Variants in MGLL observed in about 807,000 individuals in gnomAD.
MGLL encodes monoglyceride lipase.
In MGLL, 7 loss-of-function variants were observed where a neutral mutation model predicts 29.1. That is an observed-to-expected ratio of 0.24 (90% CI 0.14 to 0.45). The LOEUF is 0.45. MGLL is among the 20% of genes least tolerant of loss of function. The probability of loss-of-function intolerance (pLI) is 0.99; values close to 1 mark genes in which losing one functional copy is unlikely to be tolerated. For missense variants in MGLL, 356 were observed against 413.6 expected (o/e 0.86, Z 1.21); for synonymous variants, 148 against 168.3 (o/e 0.88, Z 0.93).
At chr3:127,758,492 G>T (rs889112021) in intron 3 of MGLL, among the ~76,000 whole-genome samples, 7 of 152,204 alleles carry the variant, frequency 4.6e-5, no homozygotes, top group African/African-American at 1.7e-4. Flanking sequence ...GAAGGAGCTT[G>T]CAAAAAGTCA....
chr3:127,731,780 G>A (rs1386810209), intron 3 of MGLL, among the ~76,000 whole-genome samples: 6 of 152,154 alleles, frequency 3.9e-5, no homozygotes, highest in Non-Finnish European at 7.3e-5. Flanking sequence ...AGGGCCCTGC[G>A]TGGCATGCTT....
chr3:127,768,455 C>G (rs2076894843), intron 3 of MGLL, among the ~76,000 whole-genome samples: 1 of 152,220 alleles, frequency 6.6e-6, no homozygotes, highest in Non-Finnish European at 1.5e-5. Context: ...ACTGCCACTT[C>G]CTGTGCCAGT....
At chr3:127,785,102 C>A (rs2077190582) in intron 2 of MGLL, among the ~76,000 whole-genome samples, 4 of 152,150 alleles carry the variant, frequency 2.6e-5, no homozygotes. Context: ...CTCCTGGAAG[C>A]CCGCCTGTGC....
chr3:127,732,426 C>T (rs1297436009), intron 3 of MGLL, among the ~76,000 whole-genome samples: 1 of 152,142 alleles, frequency 6.6e-6, no homozygotes, highest in Admixed American at 6.5e-5. Context: ...GGTGTGAACT[C>T]CAGACTCAGG....
At chr3:127,820,220 T>C (rs1334404211) in intron 2 of MGLL, among the ~76,000 whole-genome samples, 2 of 152,302 alleles carry the variant, frequency 1.3e-5, no homozygotes, top group East Asian at 3.9e-4. Flanking sequence ...GCAGCTCAGT[T>C]TAAATTAAGA....
intron 3 of MGLL, among the ~76,000 whole-genome samples, chr3:127,722,821 C>A (rs778079173): frequency 1.2e-4 from 18 of 152,218 alleles, no homozygotes; most frequent in Non-Finnish European, 1.2e-4. Flanking sequence ...GGTGTACCTA[C>A]TACAAAGGCT....
chr3:127,694,307 A>G (rs1271993921), intron 7 of MGLL, among the ~76,000 whole-genome samples: 5 of 123,814 alleles, frequency 4.0e-5, no homozygotes, highest in African/African-American at 8.7e-5. Flanking sequence ...ATATATATAT[A>G]TGTATGTGTG....
chr3:127,726,736 G>T (rs910677492), intron 3 of MGLL, among the ~76,000 whole-genome samples: 14 of 151,950 alleles, frequency 9.2e-5, no homozygotes, highest in Non-Finnish European at 2.1e-4. Context: ...GGCCTACAGG[G>T]GTTCTTTATA....
At chr3:127,701,215 CAAAA>C (rs60128956) in intron 6 of MGLL, among the ~76,000 whole-genome samples, 5 of 56,434 alleles carry the variant, frequency 8.9e-5, no homozygotes, top group East Asian at 1.2e-3. Context: ...ACCCTGCCTC[CAAAA>C]AAAAAAAAAA....
intron 3 of MGLL, among the ~76,000 whole-genome samples, chr3:127,727,704 TAAAAAAAA>T (rs1177079179): frequency 3.6e-4 from 29 of 80,716 alleles, no homozygotes; most frequent in African/African-American, 4.8e-4. Context: ...AGAGCAAGGC[TAAAAAAAA>T]AAAAAAAAAA....
chr3:127,730,946 C>G lies in MGLL; in HGVS notation c.263-8380G>C, dbSNP rs531819927. On this transcript the variant is annotated intron_variant, in intron 3 of 7. Transcript: ENST00000265052. ...GAGAGCAAAGATCATACTTTATTCA[C>G]CTGTGCATTCCCTAGGGTTCCTGGC... Among the ~76,000 whole-genome samples, 13 of 152,330 alleles carry G rather than the reference C, an allele frequency of 8.5e-5. No homozygotes were observed. In the East Asian group the frequency reaches 2.5e-3, roughly 29 times the overall value.
intron 3 of MGLL, among the ~76,000 whole-genome samples, chr3:127,772,845 C>G (rs968374210): frequency 6.6e-6 from 1 of 152,144 alleles, no homozygotes; most frequent in Non-Finnish European, 1.5e-5. Flanking sequence ...GGCTGCAGAG[C>G]TCTCTAGCCC....
At chr3:127,730,381 T>C (rs2076127232) in intron 3 of MGLL, among the ~76,000 whole-genome samples, 1 of 152,140 alleles carries the variant, frequency 6.6e-6, no homozygotes, top group African/African-American at 2.4e-5. Flanking sequence ...TTCTACTTGT[T>C]CCTCTGCCAC....
At chr3:127,756,326 G>A (rs1052275686) in intron 3 of MGLL, among the ~76,000 whole-genome samples, 1 of 152,124 alleles carries the variant, frequency 6.6e-6, no homozygotes, top group African/African-American at 2.4e-5. Context: ...GATAGTAAAG[G>A]TCTTACAGGG....
chr3:127,756,684 C>G (rs2076670719), intron 3 of MGLL, among the ~76,000 whole-genome samples: 3 of 152,222 alleles, frequency 2.0e-5, no homozygotes, highest in Admixed American at 1.3e-4. Flanking sequence ...TGGCCTATCT[C>G]CAGACTTCTT....
intron 7 of MGLL, among the ~76,000 whole-genome samples, chr3:127,694,661 G>A (rs371522530): frequency 1.8e-3 from 281 of 152,258 alleles, no homozygotes; most frequent in African/African-American, 6.3e-3. Context: ...GCTTGGACAT[G>A]TCTCTCTCTC....
chr3:127,786,542 A>G (rs2077216142), intron 2 of MGLL, among the ~76,000 whole-genome samples: 3 of 152,250 alleles, frequency 2.0e-5, no homozygotes, highest in Admixed American at 6.5e-5. Flanking sequence ...CCTGGCATCC[A>G]GCCCCAGGAG....
At chr3:127,724,603 G>T (rs1252783076) in intron 3 of MGLL, among the ~76,000 whole-genome samples, 1 of 152,192 alleles carries the variant, frequency 6.6e-6, no homozygotes, top group African/African-American at 2.4e-5. Flanking sequence ...TGGGTCAGAT[G>T]GTGATTCTGT....
At chr3:127,741,970 G>C (rs971474301) in intron 3 of MGLL, among the ~76,000 whole-genome samples, 1 of 152,192 alleles carries the variant, frequency 6.6e-6, no homozygotes, top group Non-Finnish European at 1.5e-5. Flanking sequence ...TTATTGTGGA[G>C]CATTGAGAGT....
Sources: gnomAD v4.1 joint callset for allele counts (sites outside exome capture counted in the v4.1 genomes callset) on GRCh38, gnomAD v4.1.1 for gene constraint, MANE v1.5 for transcripts, NCBI Gene and HGNC (gene_info 2026-07-23, HGNC 2026-07-21) for gene names.